TFEC: variants seen among roughly 807,000 people sequenced by gnomAD.
The protein encoded by TFEC is class E basic helix-loop-helix protein 34.
In TFEC, 31 loss-of-function variants were observed where a neutral mutation model predicts 41.6. The ratio of observed to expected loss-of-function variants is 0.74; its 90% CI spans 0.56 to 1.01. TFEC has a LOEUF of 1.01. Among genes scored for constraint, TFEC ranks in the 50% least tolerant of loss-of-function variants. The probability of loss-of-function intolerance (pLI) is 0.00; values close to 1 mark genes in which losing one functional copy is unlikely to be tolerated. For missense variants in TFEC, 402 were observed against 404.1 expected, an observed-to-expected ratio of 0.99 and a Z score of 0.04; for synonymous variants, 143 against 140.6, an observed-to-expected ratio of 1.02 and a Z score of -0.12.
intron 6 of TFEC, among the ~76,000 whole-genome samples, chr7:115,944,078 G>T (rs1171972242): frequency 1.2e-5 from 1 of 83,542 alleles, no homozygotes; most frequent in African/African-American, 4.9e-5. Flanking sequence ...AGAAAGTTTT[G>T]TCAGGTCTCG....
At chr7:116,058,642 A>C (rs1796483334) in intron 3 of TFEC, among the ~76,000 whole-genome samples, 2 of 151,812 alleles carry the variant, frequency 1.3e-5, no homozygotes, top group South Asian at 2.1e-4. Flanking sequence ...TACTATGGGC[A>C]ATAAAACAAA....
intron 3 of TFEC, among the ~76,000 whole-genome samples, chr7:116,037,265 A>C (rs925317844): frequency 2.0e-5 from 3 of 152,074 alleles, no homozygotes; most frequent in Non-Finnish European, 4.4e-5. Flanking sequence ...CAAGTGGGCC[A>C]GTTAAAGGCA....
At chr7:116,016,787 T>C (rs1795208698) in intron 1 of TFEC, among the ~76,000 whole-genome samples, 1 of 152,020 alleles carries the variant, frequency 6.6e-6, no homozygotes, top group Non-Finnish European at 1.5e-5. Flanking sequence ...CCCAGCTTTA[T>C]ATACGATATA....
At chr7:116,038,353 C>A (rs959365533) in intron 3 of TFEC, among the ~76,000 whole-genome samples, 8 of 151,884 alleles carry the variant, frequency 5.3e-5, no homozygotes, top group African/African-American at 1.7e-4. Flanking sequence ...ATCATTTCCC[C>A]ATTTTTGCCA....
chr7:116,054,880 CAG>C (rs1446127523), intron 3 of TFEC, among the ~76,000 whole-genome samples: 1 of 152,034 alleles, frequency 6.6e-6, no homozygotes, highest in Non-Finnish European at 1.5e-5. Context: ...TTTAAGCAAA[CAG>C]AGCAATGAAT....
chr7:116,155,529 C>T (rs1207979324), intron 1 of TFEC, among the ~76,000 whole-genome samples: 1 of 151,952 alleles, frequency 6.6e-6, no homozygotes, highest in African/African-American at 2.4e-5. Flanking sequence ...AACTCAGGCA[C>T]ATTTTGCTTT....
At chr7:116,045,215 A>G (rs1465091758) in intron 3 of TFEC, among the ~76,000 whole-genome samples, 1 of 152,250 alleles carries the variant, frequency 6.6e-6, no homozygotes, top group Non-Finnish European at 1.5e-5. Flanking sequence ...AATAAGGTCC[A>G]GGCTGAGGTG....
At chr7:115,983,038 T>C (rs1048871421) in intron 2 of TFEC, among the ~76,000 whole-genome samples, 1 of 152,118 alleles carries the variant, frequency 6.6e-6, no homozygotes. Context: ...AAATGAACTT[T>C]GGGAGAAGTA....
chr7:115,947,621 G>A (rs1791671648), intron 6 of TFEC, among the ~76,000 whole-genome samples: 1 of 151,414 alleles, frequency 6.6e-6, no homozygotes, highest in African/African-American at 2.4e-5. Context: ...TCTAACTGGT[G>A]TGAGATGGTA....
At chr7:116,010,879 A>C (rs759524660) in intron 1 of TFEC, among the ~76,000 whole-genome samples, 6 of 152,168 alleles carry the variant, frequency 3.9e-5, no homozygotes, top group Non-Finnish European at 5.9e-5. Flanking sequence ...TATTTCAGAA[A>C]TTATGCATTC....
At chr7:116,088,043 A>G (rs984478022) in intron 3 of TFEC, among the ~76,000 whole-genome samples, 4 of 152,062 alleles carry the variant, frequency 2.6e-5, no homozygotes, top group African/African-American at 9.7e-5. Context: ...CTCCTTCAAC[A>G]TTCTTTATAG....
chr7:116,059,798 A>C (rs1279108287), intron 3 of TFEC, among the ~76,000 whole-genome samples: 1 of 152,082 alleles, frequency 6.6e-6, no homozygotes, highest in Non-Finnish European at 1.5e-5. Context: ...TTGTTGATTT[A>C]AAATTCTCAA....
chr7:115,981,271 G>A (rs990306624), intron 2 of TFEC, among the ~76,000 whole-genome samples: 4 of 152,076 alleles, frequency 2.6e-5, no homozygotes, highest in African/African-American at 7.2e-5. Flanking sequence ...TGCTGTTGAT[G>A]TATATGTCTT....
rs890497701 is a variant in TFEC at position 115,936,594 on chromosome 7, G to T, written c.*3957C>A. On this transcript the variant is annotated 3_prime_UTR_variant, in exon 8 of 8. Coordinates refer to ENST00000265440, the MANE Select transcript of TFEC (RefSeq NM_012252.4). ...GTTTAAATTCCACAATATCCAAACA[G>T]GAAAAAAGTGTTTCCATGATGCCTT... is the stretch of plus-strand genomic sequence containing the variant. 1 of 151,386 alleles carries T rather than the reference G, an allele frequency of 6.6e-6. No individual in the cohort carries two copies. Among genetic ancestry groups the T allele is most frequent in the Non-Finnish European group, 1.5e-5 (1 of 67,590 alleles). 9.4% of individuals were successfully genotyped at this position (151,386 alleles called of 1,614,324 possible).
chr7:116,053,957 C>T lies in TFEC; in HGVS notation c.198+56751G>A, dbSNP rs187119032. On this transcript the variant is annotated intron_variant, in intron 3 of 8. Transcript: ENST00000484212. ...TAAATTATTTATTCATCATAATAAC[C>T]TAATATGGTATGTCTAACTATTATT... is the stretch of plus-strand genomic sequence containing the variant. 6.0e-4 allele frequency among the ~76,000 whole-genome samples: 91 copies of T among 152,212 alleles called. 1 individual carries two copies. The highest frequency in any genetic ancestry group is 2.0e-3 in the African/African-American group (84 of 41,522).
At chr7:116,053,664 G>C (rs1468513487) in intron 3 of TFEC, among the ~76,000 whole-genome samples, 2 of 152,162 alleles carry the variant, frequency 1.3e-5, no homozygotes, top group Non-Finnish European at 2.9e-5. Flanking sequence ...CAGAAAGAGA[G>C]ACCTAAGATA....
chr7:116,088,934 T>C (rs978671297), intron 3 of TFEC, among the ~76,000 whole-genome samples: 1 of 152,080 alleles, frequency 6.6e-6, no homozygotes, highest in Non-Finnish European at 1.5e-5. Context: ...TGGACACAAT[T>C]GACCTTGGGT....
At chr7:115,970,995 T>C (rs1207627644) in intron 3 of TFEC, among the ~76,000 whole-genome samples, 2 of 152,080 alleles carry the variant, frequency 1.3e-5, no homozygotes, top group Non-Finnish European at 2.9e-5. Context: ...ATATAGTAGG[T>C]AAACATAATA....
At chr7:116,101,375 A>G (rs1797601325) in intron 3 of TFEC, among the ~76,000 whole-genome samples, 1 of 152,088 alleles carries the variant, frequency 6.6e-6, no homozygotes, top group African/African-American at 2.4e-5. Context: ...TTTTCTGATA[A>G]AAGGGGAAAA....
Sources: gnomAD v4.1 joint callset for allele counts (sites outside exome capture counted in the v4.1 genomes callset) on GRCh38, gnomAD v4.1.1 for gene constraint, MANE v1.5 for transcripts, NCBI Gene and HGNC (gene_info 2026-07-23, HGNC 2026-07-21) for gene names.